The following GRIK1 variants were observed in gnomAD, a reference collection of about 807,000 sequenced individuals.
GRIK1 encodes the protein glutamate ionotropic receptor kainate type subunit 1, also known as glutamate receptor ionotropic, kainate 1.
Under a neutral mutation model 105.7 loss-of-function variants are expected in GRIK1, and 69 were observed. The observed-to-expected ratio is 0.65, with a 90% CI of 0.54 to 0.80. The LOEUF is 0.80. Ranked by LOEUF, GRIK1 falls within the 30% of genes least tolerant of loss-of-function variation. The pLI is 0.00. For missense variants in GRIK1, 1,109 were observed against 1,167.3 expected (o/e 0.95, Z 0.73); for synonymous variants, 438 against 431.3 (o/e 1.02, Z -0.19).
chr21:29,881,193 T>C (rs1274499132), intron 1 of GRIK1, among the ~76,000 whole-genome samples: 2 of 152,140 alleles, frequency 1.3e-5, no homozygotes, highest in African/African-American at 4.8e-5. Context: ...GCTAGCACTT[T>C]CCCTCTTAGT....
intron 16 of GRIK1, among the ~76,000 whole-genome samples, chr21:29,548,566 A>T (rs1209181386): frequency 4.6e-5 from 7 of 152,100 alleles, no homozygotes; most frequent in Admixed American, 4.6e-4. Flanking sequence ...TAGTCTAATA[A>T]GTAAGACTGC....
chr21:29,601,240 G>A lies in GRIK1; in HGVS notation c.1099-2303C>T, dbSNP rs537786351. 7.8e-6 allele frequency: 4 copies of A among 509,980 alleles called. 1 individual carries two copies. Among genetic ancestry groups the A allele is most frequent in the African/African-American group, 3.9e-5 (2 of 51,944 alleles). 31.6% of individuals were successfully genotyped at this position (509,980 alleles called of 1,614,324 possible). On this transcript the variant is annotated intron_variant, in intron 7 of 17. Transcript: ENST00000327783. ...CTGCCTGACTGACAGCTGAAACAGC[G>A]GCCTTCACCTGTTCTTGAGAACAGG...
rs2068197530 is a variant in GRIK1, at chr21:29,848,500, G to GTC, written c.118+90881_118+90882dup. Among the ~76,000 whole-genome samples the GTC allele has an allele frequency of 5.9e-5, 9 of 152,120 alleles. No individual in the cohort carries two copies. The South Asian group carries it at 1.7e-3, about 28-fold the overall frequency. On this transcript the variant is annotated intron_variant, in intron 1 of 17. Transcript: ENST00000327783. Reference sequence around the variant, plus strand: ...ATCATACACAAACTATCACTTTTGTGTCTAAGCTCGTAACATTGTTTTTAT... The same window carrying GTC: ...ATCATACACAAACTATCACTTTTGTGTCTCTAAGCTCGTAACATTGTTTTTAT...
rs1197925594 is a variant in GRIK1 at position 29,586,406 on chromosome 21, T to C, written c.1793+960A>G. Among the ~76,000 whole-genome samples, 4 of 152,310 alleles carry C rather than the reference T, an allele frequency of 2.6e-5. No homozygotes were observed. In the East Asian group the frequency reaches 7.7e-4, roughly 29 times the overall value. On this transcript the variant is annotated intron_variant, in intron 12 of 17. Transcript: ENST00000327783. The stretch of plus-strand genomic sequence containing the variant: ...ACACCAGGGAAAGAGTTACCTGGCA[T>C]TAATCAAAACCAGACAGTGGACAAT...
intron 7 of GRIK1, among the ~76,000 whole-genome samples, chr21:29,625,003 G>T (rs1056594926): frequency 6.6e-6 from 1 of 152,254 alleles, no homozygotes; most frequent in African/African-American, 2.4e-5. Context: ...TAGCAGGTCT[G>T]TGTTGCTCTG....
chr21:29,693,881 T>A lies in GRIK1; in HGVS notation c.286+15A>T. 6.3e-7 allele frequency: 1 copy of A among 1,597,094 alleles called. No individual in the cohort carries two copies. The highest frequency in any genetic ancestry group is 8.6e-7 in the Non-Finnish European group (1 of 1,166,882). Reference sequence around the variant, plus strand: ...TATCACCCAAAGAAGCTTTTAAAAGTGGGAAAATAGTTACCTCTCCGCGAG... The same window carrying A: ...TATCACCCAAAGAAGCTTTTAAAAGAGGGAAAATAGTTACCTCTCCGCGAG... On this transcript the variant is annotated intron_variant, in intron 2 of 17. Coordinates refer to ENST00000327783, the MANE Select transcript of GRIK1 (RefSeq NM_001330994.2).
intron 1 of GRIK1, among the ~76,000 whole-genome samples, chr21:29,709,760 A>C (rs1569000419): frequency 1.3e-5 from 2 of 151,194 alleles, no homozygotes; most frequent in Non-Finnish European, 3.0e-5. Context: ...ATCTTTTATA[A>C]TTTTTTTTGT....
At chr21:29,929,359 A>C (rs1283978897) in intron 1 of GRIK1, among the ~76,000 whole-genome samples, 1 of 152,202 alleles carries the variant, frequency 6.6e-6, no homozygotes, top group East Asian at 1.9e-4. Flanking sequence ...TGGACAAAAC[A>C]CATTAATGGG....
intron 1 of GRIK1, among the ~76,000 whole-genome samples, chr21:29,737,908 G>A (rs900580399): frequency 5.9e-5 from 9 of 152,202 alleles, no homozygotes; most frequent in African/African-American, 2.2e-4. Context: ...ACATGTATTT[G>A]TTTATCTCCC....
At chr21:29,734,384 TTC>T (rs1371403328) in intron 1 of GRIK1, among the ~76,000 whole-genome samples, 4 of 84,684 alleles carry the variant, frequency 4.7e-5, no homozygotes, top group Admixed American at 1.6e-4. Flanking sequence ...TTCTTTTCTT[TTC>T]TTTTCTTTTC....
intron 1 of GRIK1, among the ~76,000 whole-genome samples, chr21:29,913,799 C>T (rs928867620): frequency 3.3e-5 from 5 of 151,580 alleles, no homozygotes; most frequent in African/African-American, 1.2e-4. Flanking sequence ...CTTGGTTTTT[C>T]ATATCATTTT....
intron 1 of GRIK1, among the ~76,000 whole-genome samples, chr21:29,738,449 G>A (rs947133497): frequency 9.2e-5 from 14 of 152,202 alleles, no homozygotes; most frequent in African/African-American, 3.4e-4. Flanking sequence ...GTCACTTGGA[G>A]AGAGTTGACT....
At chr21:29,687,995 G>A (rs987454908) in intron 3 of GRIK1, among the ~76,000 whole-genome samples, 3 of 152,158 alleles carry the variant, frequency 2.0e-5, no homozygotes, top group Non-Finnish European at 4.4e-5. Flanking sequence ...AAAATTTCAT[G>A]TTTAGCAAAA....
chr21:29,726,993 G>A (rs150767195), intron 1 of GRIK1, among the ~76,000 whole-genome samples: 403 of 152,030 alleles, frequency 2.7e-3, no homozygotes, highest in African/African-American at 9.0e-3. Flanking sequence ...GCAGTGGTGC[G>A]ATCTTGATCT....
At chr21:29,827,975 ATCTCTCTCTCTCTC>A (rs71335097) in intron 1 of GRIK1, among the ~76,000 whole-genome samples, 1 of 113,504 alleles carries the variant, frequency 8.8e-6, no homozygotes, top group Non-Finnish European at 1.9e-5. Context: ...TATAGTTAGG[ATCTCTCTCTCTCTC>A]TCTCTCTCTC....
At chr21:29,732,481 A>C (rs945128422) in intron 1 of GRIK1, among the ~76,000 whole-genome samples, 4 of 152,184 alleles carry the variant, frequency 2.6e-5, no homozygotes, top group African/African-American at 9.6e-5. Flanking sequence ...TGGGCAACTT[A>C]AGTAGATTGC....
chr21:29,860,565 A>G (rs2068604814), intron 1 of GRIK1, among the ~76,000 whole-genome samples: 4 of 152,344 alleles, frequency 2.6e-5, no homozygotes, highest in African/African-American at 7.2e-5. Flanking sequence ...TATGTGCCAC[A>G]CCAGGAGGGT....
At chr21:29,541,481 G>A (rs889129009) in intron 16 of GRIK1, among the ~76,000 whole-genome samples, 6 of 151,560 alleles carry the variant, frequency 4.0e-5, no homozygotes, top group Admixed American at 1.3e-4. Flanking sequence ...ACAGTCCAAT[G>A]GGTGGCATAT....
chr21:29,649,190 T>C (rs933572391), intron 6 of GRIK1, among the ~76,000 whole-genome samples: 5 of 152,116 alleles, frequency 3.3e-5, no homozygotes, highest in Non-Finnish European at 7.4e-5. Flanking sequence ...TAAAAAAAGG[T>C]AAATGTTACG....
Sources: allele counts gnomAD v4.1 joint callset (sites outside exome capture counted in the v4.1 genomes callset), GRCh38; gene constraint gnomAD v4.1.1; transcripts MANE v1.5; gene names NCBI Gene and HGNC (gene_info 2026-07-23, HGNC 2026-07-21).